The following CRADD variants were observed in gnomAD, a reference collection of about 807,000 sequenced individuals.
CRADD encodes the protein death domain-containing protein CRADD.
A neutral mutation model predicts 15.5 loss-of-function variants in CRADD; 9 were observed. That is an observed-to-expected ratio of 0.58 (90% confidence interval 0.35 to 1.01). CRADD has a LOEUF of 1.01. CRADD is among the 50% of genes least tolerant of loss of function. The pLI is 0.02. For synonymous variants in CRADD, 118 were observed against 107.6 expected (o/e 1.10, Z -0.60); for missense variants, 227 against 250.3 (o/e 0.91, Z 0.63).
At chr12:93,763,807 C>A (rs1027246990) in intron 2 of CRADD, among the ~76,000 whole-genome samples, 1 of 152,170 alleles carries the variant, frequency 6.6e-6, no homozygotes, top group African/African-American at 2.4e-5. Flanking sequence ...AGGGTCCCCC[C>A]ATCTCAGGGA....
intron 2 of CRADD, among the ~76,000 whole-genome samples, chr12:93,809,887 C>T (rs1957600315): frequency 4.6e-5 from 7 of 152,302 alleles, no homozygotes; most frequent in African/African-American, 1.7e-4. Context: ...CCCTTCCCCT[C>T]AACTTGTGTT....
At chr12:93,820,041 G>C (rs1468989015) in intron 2 of CRADD, among the ~76,000 whole-genome samples, 5 of 152,116 alleles carry the variant, frequency 3.3e-5, no homozygotes, top group African/African-American at 1.2e-4. Context: ...TTCCATACCA[G>C]CCACCCAGTC....
At chr12:93,820,770 C>A (rs1957760885) in intron 2 of CRADD, among the ~76,000 whole-genome samples, 1 of 152,140 alleles carries the variant, frequency 6.6e-6, no homozygotes, top group African/African-American at 2.4e-5. Flanking sequence ...TTGGATCATG[C>A]CCCATTTCTC....
At chr12:93,858,073 T>C (rs186123263) in intron 2 of CRADD, among the ~76,000 whole-genome samples, 1 of 152,324 alleles carries the variant, frequency 6.6e-6, no homozygotes, top group Non-Finnish European at 1.5e-5. Flanking sequence ...AGCAGACCCT[T>C]TGGCTGTCTG....
rs1041756522 is a variant in CRADD at position 93,873,815 on chromosome 12, G to A, written c.299-20235G>A. ...ATGTATTGTTGAATTCGATTTGTTC[G>A]TGTTTTGTTGAGGATTTTTGCATAA... is the stretch of plus-strand genomic sequence containing the variant. On this transcript the variant is annotated intron_variant, in intron 2 of 2. Transcript: ENST00000548483. Among the ~76,000 whole-genome samples the A allele has an allele frequency of 5.9e-5, 9 of 152,078 alleles. No homozygotes were observed. The South Asian group carries it at 1.5e-3, about 25-fold the overall frequency.
Position 93,773,737 on chromosome 12 carries a change from G to A in CRADD, c.299-76233G>A, listed in dbSNP as rs78985699. Among the ~76,000 whole-genome samples the A allele has an allele frequency of 2.9e-3, 441 of 151,878 alleles. 3 individuals carry two copies. Among genetic ancestry groups the A allele is most frequent in the African/African-American group, 0.01 (426 of 41,418 alleles). ...AGAGTGAACATGGATTGTGCAGAAG[G>A]CCAGGCTGGAGGTAGGGCACATTGC... On this transcript the variant is annotated intron_variant, in intron 2 of 2. Coordinates refer to ENST00000332896, the MANE Select transcript of CRADD (RefSeq NM_003805.5).
chr12:93,758,200 C>A (rs2136947201), intron 2 of CRADD, among the ~76,000 whole-genome samples: 1 of 152,308 alleles, frequency 6.6e-6, no homozygotes. Flanking sequence ...CCAGTCTCTA[C>A]CCTGTGGGGA....
At chr12:93,740,488 G>A (rs12305980) in intron 2 of CRADD, among the ~76,000 whole-genome samples, 6,538 of 151,984 alleles carry the variant, frequency 0.043, 331 homozygotes, top group East Asian at 0.18. Flanking sequence ...ATTTACCTAA[G>A]GTTTTGGTTT....
chr12:93,886,575 A>G (rs999776215), intron 2 of CRADD, among the ~76,000 whole-genome samples: 2 of 152,162 alleles, frequency 1.3e-5, no homozygotes, highest in African/African-American at 4.8e-5. Context: ...GTCCAGCTGA[A>G]TTCTGGAGAT....
At chr12:93,752,754 G>C (rs1016656353) in intron 2 of CRADD, among the ~76,000 whole-genome samples, 10 of 152,158 alleles carry the variant, frequency 6.6e-5, no homozygotes, top group Admixed American at 2.0e-4. Flanking sequence ...CATGGCAGAA[G>C]GTGAAGGAAG....
At chr12:93,774,091 C>T (rs1957117002) in intron 2 of CRADD, among the ~76,000 whole-genome samples, 1 of 151,698 alleles carries the variant, frequency 6.6e-6, no homozygotes, top group Non-Finnish European at 1.5e-5. Context: ...CCACCTCAGC[C>T]TCCTGAAGTG....
intron 2 of CRADD, among the ~76,000 whole-genome samples, chr12:93,886,162 C>CATT (rs1555231623): frequency 0.055 from 6,792 of 123,888 alleles, 264 homozygotes; most frequent in Admixed American, 0.12. Flanking sequence ...GCTGCTGATG[C>CATT]TTTTTTTTTT....
At chr12:93,742,340 C>T (rs918730081) in intron 2 of CRADD, among the ~76,000 whole-genome samples, 1 of 151,796 alleles carries the variant, frequency 6.6e-6, no homozygotes, top group African/African-American at 2.4e-5. Flanking sequence ...CTGGTGAGTG[C>T]GGGGGCGCTG....
chr12:93,837,105 G>T (rs1957980429), intron 2 of CRADD, among the ~76,000 whole-genome samples: 1 of 152,180 alleles, frequency 6.6e-6, no homozygotes, highest in Admixed American at 6.5e-5. Context: ...GCAGCTGGCT[G>T]CTGTGTTCAA....
At chr12:93,725,485 T>G (rs1460716028) in intron 2 of CRADD, among the ~76,000 whole-genome samples, 2 of 152,218 alleles carry the variant, frequency 1.3e-5, no homozygotes, top group African/African-American at 4.8e-5. Flanking sequence ...AGGCCCTCAT[T>G]CCACCCAATC....
chr12:93,727,616 T>C (rs1956391503), intron 2 of CRADD, among the ~76,000 whole-genome samples: 1 of 152,206 alleles, frequency 6.6e-6, no homozygotes. Context: ...GTAACTCAGC[T>C]GGACACTGAT....
chr12:93,834,489 T>C (rs925386187), intron 2 of CRADD, among the ~76,000 whole-genome samples: 2 of 152,190 alleles, frequency 1.3e-5, no homozygotes, highest in Non-Finnish European at 2.9e-5. Flanking sequence ...AAAATTAGTT[T>C]GGTTTTTTTC....
intron 2 of CRADD, among the ~76,000 whole-genome samples, chr12:93,827,343 G>T (rs1957835610): frequency 6.6e-6 from 1 of 151,976 alleles, no homozygotes; most frequent in Non-Finnish European, 1.5e-5. Flanking sequence ...CTGGCAACTT[G>T]CACTCCGCAT....
At chr12:93,801,863 CACA>C (rs948746011) in intron 2 of CRADD, among the ~76,000 whole-genome samples, 4 of 152,112 alleles carry the variant, frequency 2.6e-5, no homozygotes, top group Non-Finnish European at 5.9e-5. Flanking sequence ...CCCATCCGGC[CACA>C]ACAAGTCCCC....
Sources: allele counts gnomAD v4.1 joint callset (sites outside exome capture counted in the v4.1 genomes callset), GRCh38; gene constraint gnomAD v4.1.1; transcripts MANE v1.5; gene names NCBI Gene and HGNC (gene_info 2026-07-23, HGNC 2026-07-21).